Variants in NCAM2 observed in about 807,000 individuals in gnomAD.
NCAM2 encodes neural cell adhesion molecule 2, also known as N-CAM-2.
A neutral mutation model predicts 98.1 loss-of-function variants in NCAM2; 30 were observed. That is an observed-to-expected ratio of 0.31 (90% CI 0.23 to 0.41). The LOEUF is 0.41. NCAM2 is among the 10% of genes least tolerant of loss of function. The pLI is 1.00. For synonymous variants in NCAM2, 368 were observed against 342.4 expected, an observed-to-expected ratio of 1.07 and a Z score of -0.83; for missense variants, 867 against 1,005.8, an observed-to-expected ratio of 0.86 and a Z score of 1.87.
intron 1 of NCAM2, among the ~76,000 whole-genome samples, chr21:21,201,687 T>A (rs140260532): frequency 6.6e-6 from 1 of 152,186 alleles, no homozygotes; most frequent in Non-Finnish European, 1.5e-5. Flanking sequence ...TTCCACAGCA[T>A]GTTTAATGAA....
intron 9 of NCAM2, among the ~76,000 whole-genome samples, chr21:21,379,130 A>T (rs1055549573): frequency 3.9e-5 from 6 of 151,944 alleles, no homozygotes; most frequent in African/African-American, 1.4e-4. Flanking sequence ...TTTCTAGTTG[A>T]TCAAGCACTA....
chr21:21,390,495 G>A (rs1284175047), intron 9 of NCAM2, among the ~76,000 whole-genome samples: 3 of 152,116 alleles, frequency 2.0e-5, no homozygotes. Context: ...GCAAGGGAGG[G>A]ACACCAGTAG....
chr21:21,534,472 G>GT lies in NCAM2; in HGVS notation c.2283-58dup, dbSNP rs1321597016. ...GTAGAATTGGGTGATTTTAAACTCT[G>GT]TTTTTTTCCATAATGCATCCATTTT... On this transcript the variant is annotated intron_variant, in intron 16 of 17. Transcript: ENST00000400546. 45 of 1,329,712 alleles carry GT rather than the reference G, an allele frequency of 3.4e-5. No individual in the cohort carries two copies. In the South Asian group the frequency reaches 3.9e-4, roughly 12 times the overall value. The allele number at this position is 1,329,712 out of a possible 1,614,324, so 82.4% of individuals were successfully genotyped here. A position where few individuals can be genotyped will look rare whatever the true frequency, so the allele number is the denominator to read the frequency against.
chr21:21,367,879 T>G (rs1433128810), intron 8 of NCAM2, among the ~76,000 whole-genome samples: 1 of 151,908 alleles, frequency 6.6e-6, no homozygotes, highest in Non-Finnish European at 1.5e-5. Context: ...GTTCTGCAAT[T>G]TATGGTCCTA....
chr21:21,265,537 A>ATG (rs1455158180), intron 1 of NCAM2, among the ~76,000 whole-genome samples: 3 of 147,530 alleles, frequency 2.0e-5, no homozygotes, highest in Non-Finnish European at 4.5e-5. Context: ...ATATGTGTGT[A>ATG]TGTATATATG....
intron 5 of NCAM2, among the ~76,000 whole-genome samples, chr21:21,321,970 C>T (rs938370135): frequency 2.0e-5 from 3 of 152,046 alleles, no homozygotes; most frequent in African/African-American, 7.2e-5. Flanking sequence ...TGGGTAAATA[C>T]CAAAAGGAAA....
At chr21:21,051,956 G>C (rs559349438) in intron 1 of NCAM2, among the ~76,000 whole-genome samples, 1 of 152,094 alleles carries the variant, frequency 6.6e-6, no homozygotes, top group African/African-American at 2.4e-5. Context: ...GGGAAGAACA[G>C]AATTCCTTTT....
intron 1 of NCAM2, chr21:21,147,135 A>G: frequency 1.1e-6 from 1 of 915,466 alleles, no homozygotes; most frequent in East Asian, 1.6e-4. Context: ...GCACTAGTGG[A>G]CTTCCTGAAA....
chr21:21,532,800 A>G (rs183928315), intron 16 of NCAM2, among the ~76,000 whole-genome samples: 123 of 152,222 alleles, frequency 8.1e-4, no homozygotes, highest in African/African-American at 2.8e-3. Context: ...AGACCAAACA[A>G]CATTAAGATC....
chr21:21,367,572 G>A (rs1174764734), intron 8 of NCAM2, among the ~76,000 whole-genome samples: 1 of 152,006 alleles, frequency 6.6e-6, no homozygotes. Flanking sequence ...ATTTTACTTT[G>A]AGATGGAATA....
chr21:21,336,716 T>C (rs2074881065), intron 7 of NCAM2, among the ~76,000 whole-genome samples: 1 of 152,134 alleles, frequency 6.6e-6, no homozygotes, highest in Non-Finnish European at 1.5e-5. Context: ...GAGAGATATT[T>C]ATAAAGCTTA....
At chr21:21,481,296 C>A (rs1985862325) in intron 15 of NCAM2, among the ~76,000 whole-genome samples, 1 of 152,150 alleles carries the variant, frequency 6.6e-6, no homozygotes, top group Admixed American at 6.6e-5. Flanking sequence ...TCACTCCACC[C>A]CTCATCATGA....
intron 1 of NCAM2, among the ~76,000 whole-genome samples, chr21:21,251,534 T>C (rs1407900377): frequency 6.6e-6 from 1 of 152,166 alleles, no homozygotes; most frequent in African/African-American, 2.4e-5. Context: ...GTGTGCCACA[T>C]TTTATGTATC....
chr21:21,044,061 G>A (rs1049707965), intron 1 of NCAM2, among the ~76,000 whole-genome samples: 2 of 151,500 alleles, frequency 1.3e-5, no homozygotes, highest in African/African-American at 4.9e-5. Context: ...GGCAGAGAGA[G>A]AAAGAAAGAG....
At chr21:21,040,809 G>T (rs973874654) in intron 1 of NCAM2, among the ~76,000 whole-genome samples, 2 of 152,118 alleles carry the variant, frequency 1.3e-5, no homozygotes, top group Non-Finnish European at 2.9e-5. Context: ...TTGGCTAATG[G>T]CTACAAAATT....
chr21:21,307,065 G>T (rs984927404), intron 5 of NCAM2, among the ~76,000 whole-genome samples: 2 of 502 alleles, frequency 4.0e-3, no homozygotes, highest in Admixed American at 0.017. Flanking sequence ...GTGTACAGTT[G>T]TGGTTTTTTA....
chr21:21,523,273 G>A (rs1383450884), intron 16 of NCAM2, among the ~76,000 whole-genome samples: 3 of 152,020 alleles, frequency 2.0e-5, no homozygotes, highest in African/African-American at 7.2e-5. Context: ...CCAGACCAAT[G>A]TCCTGAAGAA....
intron 3 of NCAM2, among the ~76,000 whole-genome samples, chr21:21,286,053 C>T (rs2147527582): frequency 6.6e-6 from 1 of 151,956 alleles, no homozygotes; most frequent in South Asian, 2.1e-4. Flanking sequence ...TATACAGAAC[C>T]TCATATGGCA....
intron 8 of NCAM2, among the ~76,000 whole-genome samples, chr21:21,346,922 A>G (rs1309660016): frequency 6.6e-6 from 1 of 151,930 alleles, no homozygotes; most frequent in East Asian, 1.9e-4. Flanking sequence ...CATCAAAAAA[A>G]GAGGAAAAAC....
Sources: gnomAD v4.1 joint callset for allele counts (sites outside exome capture counted in the v4.1 genomes callset) on GRCh38, gnomAD v4.1.1 for gene constraint, MANE v1.5 for transcripts, NCBI Gene and HGNC (gene_info 2026-07-23, HGNC 2026-07-21) for gene names.